CAPZB: variants seen among roughly 807,000 people sequenced by gnomAD.
The protein encoded by CAPZB is F-actin-capping protein subunit beta.
Under a neutral mutation model 38.1 loss-of-function variants are expected in CAPZB, and 2 were observed. The observed-to-expected ratio is 0.05, with a 90% CI of 0.02 to 0.17. The LOEUF (loss-of-function observed/expected upper bound fraction) is 0.17. Ranked by LOEUF, CAPZB falls within the 10% of genes least tolerant of loss-of-function variation. The pLI is 1.00. For synonymous variants in CAPZB, 107 were observed against 127.4 expected (o/e 0.84, Z 1.08); for missense variants, 161 against 334.2 (o/e 0.48, Z 4.04).
chr1:19,402,757 T>C (rs1007198126), intron 2 of CAPZB, among the ~76,000 whole-genome samples: 1 of 152,158 alleles, frequency 6.6e-6, no homozygotes, highest in Non-Finnish European at 1.5e-5. Context: ...ATCAGAAGCC[T>C]TGCATTCTGG....
chr1:19,414,281 A>C (rs956649304), intron 2 of CAPZB, among the ~76,000 whole-genome samples: 1 of 152,316 alleles, frequency 6.6e-6, no homozygotes, highest in African/African-American at 2.4e-5. Context: ...TGAGGCTGGC[A>C]GTGTGAATAC....
intron 8 of CAPZB, 92 bp downstream of exon 8, chr1:19,344,266 C>T: frequency 2.0e-6 from 2 of 990,786 alleles, no homozygotes; most frequent in South Asian, 1.3e-5. Flanking sequence ...AATGAGGACA[C>T]CGAGGCCCAA....
chr1:19,473,012 C>T (rs569416178), intron 1 of CAPZB, among the ~76,000 whole-genome samples: 12 of 152,116 alleles, frequency 7.9e-5, no homozygotes, highest in Non-Finnish European at 8.8e-5. Flanking sequence ...CCACAGTGCC[C>T]GGCCCATTCT....
At chr1:19,480,980 A>C (rs2094626466) in intron 1 of CAPZB, among the ~76,000 whole-genome samples, 1 of 152,210 alleles carries the variant, frequency 6.6e-6, no homozygotes, top group Non-Finnish European at 1.5e-5. Flanking sequence ...ACAATAGTTA[A>C]TGTTTACATC....
intron 1 of CAPZB, among the ~76,000 whole-genome samples, chr1:19,461,863 T>C (rs933957228): frequency 6.6e-6 from 1 of 152,176 alleles, no homozygotes; most frequent in Non-Finnish European, 1.5e-5. Context: ...CCTAGCTCAC[T>C]GGGGTGAATG....
chr1:19,352,734 T>A (rs919470985), intron 6 of CAPZB, among the ~76,000 whole-genome samples: 4 of 152,184 alleles, frequency 2.6e-5, no homozygotes, highest in Non-Finnish European at 4.4e-5. Context: ...GCCAGAATAC[T>A]TTAGCTGTTT....
intron 2 of CAPZB, among the ~76,000 whole-genome samples, chr1:19,407,435 G>A (rs1322790323): frequency 6.6e-6 from 1 of 152,166 alleles, no homozygotes; most frequent in Non-Finnish European, 1.5e-5. Context: ...CTCTCAAGCT[G>A]GGGAAAAGGG....
rs1198702925 is a variant in CAPZB at position 19,476,221 on chromosome 1, T to TAGAC, written c.3+9214_3+9215insGTCT. Among the ~76,000 whole-genome samples the TAGAC allele has an allele frequency of 1.1e-3, 38 of 35,686 alleles. 1 individual carries two copies. Among genetic ancestry groups the TAGAC allele is most frequent in the African/African-American group, 2.1e-3 (37 of 17,998 alleles). The allele number at this position is 35,686 out of a possible 152,430, so 23.4% of individuals were successfully genotyped here. A position where few individuals can be genotyped will look rare whatever the true frequency, so the allele number is the denominator to read the frequency against. ...ATAGATAGATAGATAGATAGATAGATAGATAGGCAGGCAGGCAGGCACTGT... is the reference window on the plus strand; with the variant it reads ...ATAGATAGATAGATAGATAGATAGATAGACAGATAGGCAGGCAGGCAGGCACTGT... On this transcript the variant is annotated intron_variant, in intron 1 of 8. Transcript: ENST00000264202.
rs530529699 is a variant in CAPZB at position 19,437,641 on chromosome 1, G to A, written c.4-17891C>T. ...ACCATGGGCACGAGACTCATTCCAG[G>A]TACTGTCACAGCAAGATACCCTTCT... On this transcript the variant is annotated intron_variant, in intron 1 of 8. Coordinates refer to ENST00000264202, the MANE Select transcript of CAPZB (RefSeq NM_004930.5). Among the ~76,000 whole-genome samples the A allele has an allele frequency of 3.9e-5, 6 of 152,182 alleles. No homozygotes were observed. The East Asian group carries it at 1.2e-3, about 29-fold the overall frequency.
chr1:19,482,272 C>A (rs2094632106), intron 1 of CAPZB, among the ~76,000 whole-genome samples: 2 of 152,164 alleles, frequency 1.3e-5, no homozygotes, highest in African/African-American at 4.8e-5. Context: ...AAAAAGAGGC[C>A]AGGTGGGCTT....
chr1:19,371,632 G>A (rs924790009), intron 4 of CAPZB, among the ~76,000 whole-genome samples: 3 of 152,254 alleles, frequency 2.0e-5, no homozygotes, highest in Non-Finnish European at 4.4e-5. Context: ...GAGGGTCAGA[G>A]GCTTTTGGTG....
At chr1:19,415,872 A>G (rs1374538189) in intron 2 of CAPZB, among the ~76,000 whole-genome samples, 1 of 152,278 alleles carries the variant, frequency 6.6e-6, no homozygotes, top group African/African-American at 2.4e-5. Flanking sequence ...TGAGGCATGC[A>G]TTACCAGATC....
rs116154254 is a variant in CAPZB at position 19,455,403 on chromosome 1, G to C, written c.3+30033C>G. On this transcript the variant is annotated intron_variant, in intron 1 of 8. Coordinates refer to ENST00000264202, the MANE Select transcript of CAPZB (RefSeq NM_004930.5). ...TTTACTTTCTAGAAGAGGACGATGA[G>C]AGAAGATCGCTGGGTGGCCACGTGA... 9.7e-3 allele frequency among the ~76,000 whole-genome samples: 1,482 copies of C among 152,318 alleles called. 31 individuals carry two copies. The highest frequency in any genetic ancestry group is 0.034 in the African/African-American group (1,418 of 41,566).
chr1:19,430,237 C>T (rs1211159653), intron 1 of CAPZB, among the ~76,000 whole-genome samples: 1 of 152,148 alleles, frequency 6.6e-6, no homozygotes, highest in Non-Finnish European at 1.5e-5. Flanking sequence ...ATATTTATTC[C>T]AGAGGAAAAC....
chr1:19,361,530 G>C (rs1558185534), intron 4 of CAPZB, among the ~76,000 whole-genome samples: 1 of 152,264 alleles, frequency 6.6e-6, no homozygotes, highest in Admixed American at 6.5e-5. Context: ...CTTCAGGAGG[G>C]AGGTGACTGC....
Position 19,469,220 on chromosome 1 carries a change from A to G in CAPZB, c.3+16216T>C, listed in dbSNP as rs531568663. On this transcript the variant is annotated intron_variant, in intron 1 of 8. Coordinates refer to ENST00000264202, the MANE Select transcript of CAPZB (RefSeq NM_004930.5). ...ACAGGCAGGAGGGAACAGGCAGGGAAGGGGGAGCCACAAGCTGGTGGTGGC... is the reference window on the plus strand; with the variant it reads ...ACAGGCAGGAGGGAACAGGCAGGGAGGGGGGAGCCACAAGCTGGTGGTGGC... Among the ~76,000 whole-genome samples, 3 of 152,292 alleles carry G rather than the reference A, an allele frequency of 2.0e-5. No individual in the cohort carries two copies. In the South Asian group the frequency reaches 6.2e-4, roughly 32 times the overall value.
intron 4 of CAPZB, among the ~76,000 whole-genome samples, chr1:19,369,423 A>G (rs572796585): frequency 6.6e-6 from 1 of 152,376 alleles, no homozygotes; most frequent in African/African-American, 2.4e-5. Context: ...AACACAATAG[A>G]GGTGGGCTTG....
rs554388573 is a variant in CAPZB at position 19,370,512 on chromosome 1, G to A, written c.329+8028C>T. On this transcript the variant is annotated intron_variant, in intron 4 of 8. Transcript: ENST00000264202. ...GGCTTGACGGCATGTGTGAAGTACT[G>A]TCTACTGGTGAAGCAAGCCAGGGAC... Among the ~76,000 whole-genome samples the A allele has an allele frequency of 7.6e-4, 116 of 152,306 alleles. 1 individual carries two copies. The highest frequency in any genetic ancestry group is 2.2e-3 in the African/African-American group (91 of 41,574).
At chr1:19,406,020 CCT>C (rs1349244470) in intron 2 of CAPZB, among the ~76,000 whole-genome samples, 3 of 152,178 alleles carry the variant, frequency 2.0e-5, no homozygotes, top group East Asian at 1.9e-4. Context: ...CTTGGCAAGG[CCT>C]CTCTCAGGCA....
Sources: allele counts gnomAD v4.1 joint callset (sites outside exome capture counted in the v4.1 genomes callset), GRCh38; gene constraint gnomAD v4.1.1; transcripts MANE v1.5; gene names NCBI Gene and HGNC (gene_info 2026-07-23, HGNC 2026-07-21).